Variants in POR observed in about 807,000 individuals in gnomAD.
POR encodes the protein cytochrome p450 oxidoreductase, also known as NADPH--cytochrome P450 reductase.
POR carries 56 observed loss-of-function variants against 84.0 expected under a neutral mutation model. The ratio of observed to expected loss-of-function variants is 0.67; its 90% CI spans 0.54 to 0.83. POR has a LOEUF of 0.83. Among genes scored for constraint, POR ranks in the 40% least tolerant of loss-of-function variants. The pLI is 0.00. For missense variants in POR, 938 were observed against 944.3 expected (o/e 0.99, Z 0.09); for synonymous variants, 414 against 400.5 (o/e 1.03, Z -0.40).
chr7:75,923,479 A>G lies in POR; in HGVS notation c.-5+8300A>G. On this transcript the variant is annotated intron_variant, in intron 1 of 15. Coordinates refer to ENST00000461988, the MANE Select transcript of POR (RefSeq NM_000941.3). ...TGCCAAACTACAGTAAATTTTTATC[A>G]ATGAACTGGAAGCTTGTGTTATTTT... is the stretch of plus-strand genomic sequence containing the variant. 5.9e-6 allele frequency: 3 copies of G among 509,012 alleles called. No individual in the cohort carries two copies. The South Asian group carries it at 7.1e-5, about 12-fold the overall frequency. The allele number at this position is 509,012 out of a possible 1,614,324, so 31.5% of individuals were successfully genotyped here.
At chr7:75,948,749 C>T (rs1054241946) in intron 1 of POR, among the ~76,000 whole-genome samples, 2 of 152,208 alleles carry the variant, frequency 1.3e-5, no homozygotes, top group Non-Finnish European at 2.9e-5. Flanking sequence ...ATATGCCAGT[C>T]TGTGAACTAA....
intron 2 of POR, among the ~76,000 whole-genome samples, chr7:75,966,438 C>T (rs567814502): frequency 6.4e-4 from 98 of 152,324 alleles, no homozygotes; most frequent in South Asian, 8.3e-4. Context: ...CTAGCAGAGC[C>T]CACTCTCCGT....
chr7:75,985,682 A>G lies in POR; in HGVS notation c.1502A>G (p.Glu501Gly). ...GCCACCAACTGGCTGCGGGCCAAGGAGCCTGCCGGGGAGAACGGCGGCCGT... is the reference window on the plus strand; with the variant it reads ...GCCACCAACTGGCTGCGGGCCAAGGGGCCTGCCGGGGAGAACGGCGGCCGT... The change falls in exon 13 of 16, where the codon GAG becomes GGG. Residue 501 changes from glutamate to glycine, a missense_variant. Coordinates refer to ENST00000461988, the MANE Select transcript of POR (RefSeq NM_000941.3). The G allele has an allele frequency of 6.3e-7, 1 of 1,594,524 alleles. No homozygotes were observed. The highest frequency in any genetic ancestry group is 8.5e-7 in the Non-Finnish European group (1 of 1,172,006).
intron 2 of POR, among the ~76,000 whole-genome samples, chr7:75,956,900 A>G (rs1259419745): frequency 6.6e-6 from 1 of 151,890 alleles, no homozygotes; most frequent in East Asian, 1.9e-4. Flanking sequence ...TAATTTTTGT[A>G]TTTTTAGTAG....
chr7:75,936,231 G>A (rs1345973250), intron 1 of POR, among the ~76,000 whole-genome samples: 5 of 150,932 alleles, frequency 3.3e-5, no homozygotes, highest in African/African-American at 1.2e-4. Context: ...AGCCTCCTGA[G>A]TAGTTGGGAC....
rs1185142274 is a variant in POR at position 75,942,940 on chromosome 7, CTTTT to C, written c.-4-11046_-4-11043del. 8.1e-5 allele frequency among the ~76,000 whole-genome samples: 12 copies of C among 148,750 alleles called. No individual in the cohort carries two copies. In the East Asian group the frequency reaches 1.9e-3, roughly 24 times the overall value. ...TAATAGTGGTTGAGGGCAGTTCTTT[CTTTT>C]TTCTTTTTCTTTTTTTTTTTTTATT... On this transcript the variant is annotated intron_variant, in intron 1 of 15. Transcript: ENST00000461988.
At chr7:75,979,724 C>T in intron 4 of POR, 145 bp downstream of exon 4, 1 of 1,134,434 alleles carries the variant, frequency 8.8e-7, no homozygotes, top group Non-Finnish European at 1.2e-6. Context: ...CCGTGAGGGT[C>T]ATTGCCATCC....
intron 2 of POR, among the ~76,000 whole-genome samples, chr7:75,956,068 C>T (rs539691435): frequency 7.7e-4 from 117 of 152,174 alleles, no homozygotes; most frequent in African/African-American, 2.4e-3. Context: ...GAGGCCGAGG[C>T]GGGAGAAATC....
intron 1 of POR, among the ~76,000 whole-genome samples, chr7:75,917,434 C>T (rs1284521384): frequency 8.0e-6 from 1 of 125,008 alleles, no homozygotes; most frequent in Admixed American, 9.1e-5. Flanking sequence ...TAGGACCTTT[C>T]ATGGTTCCAG....
chr7:75,982,866 G>A (rs11764251), intron 8 of POR, among the ~76,000 whole-genome samples: 38,453 of 152,158 alleles, frequency 0.25, 6,181 homozygotes, highest in Non-Finnish European at 0.37. Context: ...TCTTGTCCAC[G>A]GTGTAGTCCA....
chr7:75,952,495 G>A (rs1373729313), intron 1 of POR, among the ~76,000 whole-genome samples: 1 of 151,990 alleles, frequency 6.6e-6, no homozygotes, highest in Non-Finnish European at 1.5e-5. Context: ...CGGGGTGGCT[G>A]CTGGGCGGAG....
At chr7:75,929,805 AC>A (rs1807322050) in intron 1 of POR, among the ~76,000 whole-genome samples, 1 of 151,732 alleles carries the variant, frequency 6.6e-6, no homozygotes, top group Non-Finnish European at 1.5e-5. Flanking sequence ...CGCCCAGAGC[AC>A]CCCCTGTGAC....
In POR at chr7:75,981,074, C is replaced by T. The variant is rs374567139; in HGVS notation, c.543C>T (p.Tyr181=). 2.2e-5 allele frequency: 34 copies of T among 1,576,090 alleles called. No homozygotes were observed. Among genetic ancestry groups the T allele is most frequent in the Middle Eastern group, 1.7e-4 (1 of 5,868 alleles). The change falls in exon 6 of 16, where the codon TAC becomes TAT. Residue 181 remains tyrosine, a synonymous_variant. Coordinates refer to ENST00000461988, the MANE Select transcript of POR (RefSeq NM_000941.3). Reference sequence around the variant, plus strand: ...TGTTTGGTCTTGGGAACAAGACCTACGAGCACTTCAATGCCATGGGCAAGT... The same window carrying T: ...TGTTTGGTCTTGGGAACAAGACCTATGAGCACTTCAATGCCATGGGCAAGT...
chr7:75,964,455 CT>C (rs1788087894), intron 2 of POR, among the ~76,000 whole-genome samples: 1 of 152,116 alleles, frequency 6.6e-6, no homozygotes, highest in South Asian at 2.1e-4. Flanking sequence ...TTACAGGCGC[CT>C]GCCACCACAC....
rs555347024 is a variant in POR, at chr7:75,970,379, C to T, written c.189-2034C>T. On this transcript the variant is annotated intron_variant, in intron 2 of 15. Transcript: ENST00000461988. The stretch of plus-strand genomic sequence containing the variant: ...AAGCTGCAGTGAGCTATGATCGCAC[C>T]GCACGGTCATGTGATCGCACAGTGG... Among the ~76,000 whole-genome samples the T allele has an allele frequency of 9.9e-5, 15 of 151,856 alleles. No homozygotes were observed. The South Asian group carries it at 1.9e-3, about 19-fold the overall frequency.
At chr7:75,923,374 C>G in intron 1 of POR, 1 of 769,980 alleles carries the variant, frequency 1.3e-6, no homozygotes, top group Non-Finnish European at 2.3e-6. Flanking sequence ...AGTGGACTTT[C>G]TGAAGGAGAT....
chr7:75,958,704 G>A (rs1459481884), intron 2 of POR, among the ~76,000 whole-genome samples: 1 of 152,056 alleles, frequency 6.6e-6, no homozygotes. Context: ...AATAGGCCTG[G>A]CATGGTGGCT....
rs1309722211 is a variant in POR, at chr7:75,967,813, G to A, written c.189-4600G>A. On this transcript the variant is annotated intron_variant, in intron 2 of 15. Coordinates refer to ENST00000461988, the MANE Select transcript of POR (RefSeq NM_000941.3). ...AGGGACTCATGGGAGGCTTCACTCT[G>A]GAATCCTGAGTCCTGCCTGCTGGGG... 16 of 341,022 alleles carry A rather than the reference G, an allele frequency of 4.7e-5. No individual in the cohort carries two copies. In the Admixed American group the frequency reaches 6.0e-4, roughly 13 times the overall value. 21.1% of individuals were successfully genotyped at this position (341,022 alleles called of 1,614,324 possible). A position where few individuals can be genotyped will look rare whatever the true frequency, so the allele number is the denominator to read the frequency against.
At position 75,972,314 on chromosome 7, in the gene POR, G is replaced by C. The variant is rs1237285189; in HGVS notation, c.189-99G>C. 2.8e-6 allele frequency: 3 copies of C among 1,066,006 alleles called. No individual in the cohort carries two copies. The Middle Eastern group carries it at 6.7e-4, about 239-fold the overall frequency. The allele number at this position is 1,066,006 out of a possible 1,614,324, so 66.0% of individuals were successfully genotyped here. On this transcript the variant is annotated intron_variant, in intron 2 of 15. Coordinates refer to ENST00000461988, the MANE Select transcript of POR (RefSeq NM_000941.3). ...AATGTCCCCTCCCTGTGCTGCCACA[G>C]CATCCCATGAAACCTGCATCTAAGG...
Sources: allele counts gnomAD v4.1 joint callset (sites outside exome capture counted in the v4.1 genomes callset), GRCh38; gene constraint gnomAD v4.1.1; transcripts MANE v1.5; gene names NCBI Gene and HGNC (gene_info 2026-07-23, HGNC 2026-07-21).